The following PAX9 variants were observed in gnomAD, a reference collection of about 807,000 sequenced individuals.
The protein encoded by PAX9 is paired box 9.
In PAX9, 6 loss-of-function variants were observed where a neutral mutation model predicts 29.1. The ratio of observed to expected loss-of-function variants is 0.21; its 90% confidence interval spans 0.11 to 0.41. The LOEUF (loss-of-function observed/expected upper bound fraction) is 0.41, where lower values mean the gene tolerates loss of function less well. Ranked by LOEUF, PAX9 falls within the 10% of genes least tolerant of loss-of-function variation. The probability of loss-of-function intolerance (pLI) is 1.00; values close to 1 mark genes in which losing one functional copy is unlikely to be tolerated. For synonymous variants in PAX9, 217 were observed against 211.7 expected, an observed-to-expected ratio of 1.03 and a Z score of -0.22; for missense variants, 443 against 479.1, an observed-to-expected ratio of 0.92 and a Z score of 0.70.
chr14:36,675,041 G>T (rs1487264802), intron 3 of PAX9, among the ~76,000 whole-genome samples: 1 of 152,156 alleles, frequency 6.6e-6, no homozygotes, highest in Non-Finnish European at 1.5e-5. Context: ...ACGGGAAAAA[G>T]TACCTAGCTA....
intron 3 of PAX9, 35 bp from the exon 4 acceptor site, chr14:36,676,163 G>C (rs1422374437): frequency 1.2e-6 from 2 of 1,611,988 alleles, no homozygotes; most frequent in Non-Finnish European, 1.7e-6. Context: ...CTCCTATAAT[G>C]TGATTATTTT....
intron 2 of PAX9, 42 bp from the exon 3 acceptor site, chr14:36,666,420 G>T (rs746412752): frequency 6.3e-7 from 1 of 1,597,284 alleles, no homozygotes; most frequent in Admixed American, 1.7e-5. Flanking sequence ...TGGGGCGCGC[G>T]GGCTGGGCCT....
In PAX9 at chr14:36,677,391, C is replaced by T. The variant is rs1397197536; in HGVS notation, c.*939C>T. The T allele has an allele frequency of 2.0e-5, 3 of 152,142 alleles. No individual in the cohort carries two copies. The highest frequency in any genetic ancestry group is 7.2e-5 in the African/African-American group (3 of 41,398). 9.4% of individuals were successfully genotyped at this position (152,142 alleles called of 1,614,324 possible). On this transcript the variant is annotated 3_prime_UTR_variant, in exon 4 of 4. Coordinates refer to ENST00000361487, the MANE Select transcript of PAX9 (RefSeq NM_001372076.1). ...AAACAAGCCAGTCTCCCATTTTGTA[C>T]CTAATCAAACAACACACATGCTAAG...
At chr14:36,662,114 C>CT (rs1881294884) in intron 1 of PAX9, 21 bp downstream of exon 1, 10 of 1,200,474 alleles carry the variant, frequency 8.3e-6, no homozygotes, top group Non-Finnish European at 1.1e-5. Context: ...GCGGGGGACT[C>CT]TGTCAGAGCC....
At chr14:36,661,201 G>C (rs923427754), upstream of PAX9, among the ~76,000 whole-genome samples, 1 of 152,244 alleles carries the variant, frequency 6.6e-6, no homozygotes. Context: ...CCTCGAGCCT[G>C]TGTGGCTAGT....
At chr14:36,673,399 A>G (rs752336650) in intron 3 of PAX9, among the ~76,000 whole-genome samples, 2 of 152,214 alleles carry the variant, frequency 1.3e-5, no homozygotes, top group Non-Finnish European at 2.9e-5. Flanking sequence ...TGATAAATGA[A>G]TGTAATCATG....
upstream of PAX9, among the ~76,000 whole-genome samples, chr14:36,659,364 C>G (rs1594463803): frequency 6.6e-6 from 1 of 152,174 alleles, no homozygotes; most frequent in Non-Finnish European, 1.5e-5. Context: ...TCGGTCTCAG[C>G]GGGTCGCTGA....
At chr14:36,660,142 C>T (rs529436688), upstream of PAX9, among the ~76,000 whole-genome samples, 27 of 152,250 alleles carry the variant, frequency 1.8e-4, 1 homozygote, top group South Asian at 6.2e-4. Flanking sequence ...CCCTACGATG[C>T]GGCAAAGTCT....
At chr14:36,668,501 G>A (rs1266255944) in intron 3 of PAX9, among the ~76,000 whole-genome samples, 1 of 152,278 alleles carries the variant, frequency 6.6e-6, no homozygotes, top group Admixed American at 6.5e-5. Flanking sequence ...CGGTTCTCCT[G>A]CCTCAGCCTC....
chr14:36,676,152 A>T, intron 3 of PAX9, 46 bp from the exon 4 acceptor site: 1 of 1,602,342 alleles, frequency 6.2e-7, no homozygotes, highest in Non-Finnish European at 8.6e-7. Context: ...TGAAATGTTC[A>T]CTCCTATAAT....
intron 1 of PAX9, chr14:36,662,569 C>A: frequency 2.1e-6 from 1 of 466,478 alleles, no homozygotes; most frequent in East Asian, 3.7e-5. Context: ...GAGGAGCAGG[C>A]GAGAAGGAGC....
At position 36,662,031 on chromosome 14, in the gene PAX9, C is replaced by A; in HGVS notation, c.-59C>A. On this transcript the variant is annotated 5_prime_UTR_variant, in exon 1 of 4. Transcript: ENST00000361487. ...AACAGGCCGGGCCACTGAGGCGGTG[C>A]GGAAAGTTTCTGTCTGGGAGTGCGG... 1.3e-6 allele frequency: 2 copies of A among 1,554,466 alleles called. No individual in the cohort carries two copies. Among genetic ancestry groups the A allele is most frequent in the Non-Finnish European group, 1.7e-6 (2 of 1,149,520 alleles).
At chr14:36,664,827 ATCT>A (rs1013663367) in intron 2 of PAX9, among the ~76,000 whole-genome samples, 1 of 152,070 alleles carries the variant, frequency 6.6e-6, no homozygotes, top group African/African-American at 2.4e-5. Context: ...CTGATTTCTC[ATCT>A]TCTTGTTTTC....
chr14:36,669,089 G>A (rs11629412), intron 3 of PAX9, among the ~76,000 whole-genome samples: 2 of 151,528 alleles, frequency 1.3e-5, no homozygotes, highest in South Asian at 2.1e-4. Flanking sequence ...AACCTGAAAA[G>A]TTTCTAAGAA....
intron 3 of PAX9, among the ~76,000 whole-genome samples, chr14:36,673,754 G>A (rs746801255): frequency 9.9e-5 from 15 of 152,148 alleles, no homozygotes; most frequent in Non-Finnish European, 1.9e-4. Flanking sequence ...AATAGAACTC[G>A]CCAACAGTTC....
upstream of PAX9, chr14:36,661,803 C>A: frequency 1.9e-6 from 1 of 530,786 alleles, no homozygotes; most frequent in Non-Finnish European, 3.3e-6. Flanking sequence ...CCCTCGGACC[C>A]GCCCCTTTTA....
chr14:36,662,724 G>A, intron 1 of PAX9, 173 bp from the exon 2 acceptor site: 2 of 751,972 alleles, frequency 2.7e-6, no homozygotes, highest in Non-Finnish European at 4.3e-6. Context: ...GGACAGTGAC[G>A]GTTTGGGGCC....
At chr14:36,659,543 C>T (rs951708306), upstream of PAX9, among the ~76,000 whole-genome samples, 1 of 152,216 alleles carries the variant, frequency 6.6e-6, no homozygotes, top group South Asian at 2.1e-4. Context: ...ATTGACTCTT[C>T]CTGCGCTCTT....
At chr14:36,676,131 C>T in intron 3 of PAX9, 67 bp from the exon 4 acceptor site, 1 of 1,555,218 alleles carries the variant, frequency 6.4e-7, no homozygotes, top group South Asian at 1.1e-5. Flanking sequence ...CTGCTTCTTT[C>T]TAAGAACGTG....
Sources: gnomAD v4.1 joint callset for allele counts (sites outside exome capture counted in the v4.1 genomes callset) on GRCh38, gnomAD v4.1.1 for gene constraint, MANE v1.5 for transcripts, NCBI Gene and HGNC (gene_info 2026-07-23, HGNC 2026-07-21) for gene names.